Variants in NARS2 observed in about 807,000 individuals in gnomAD.
The protein encoded by NARS2 is asparaginyl-tRNA synthetase.
Under a neutral mutation model 62.9 loss-of-function variants are expected in NARS2, and 60 were observed. The observed-to-expected ratio is 0.95, with a 90% CI of 0.77 to 1.18. NARS2 has a LOEUF of 1.18. Ranked by LOEUF, NARS2 falls within the 50% of genes most tolerant of loss-of-function variation. NARS2 has a pLI of 0.00. For synonymous variants in NARS2, 196 were observed against 200.0 expected (o/e 0.98, Z 0.17); for missense variants, 619 against 576.4 (o/e 1.07, Z -0.76).
At chr11:78,517,901 C>A (rs1436771624) in intron 6 of NARS2, among the ~76,000 whole-genome samples, 2 of 152,108 alleles carry the variant, frequency 1.3e-5, no homozygotes, top group Non-Finnish European at 2.9e-5. Context: ...TTAATACACC[C>A]TTTAAAGAAG....
intron 11 of NARS2, among the ~76,000 whole-genome samples, chr11:78,464,060 T>G (rs2135206016): frequency 6.6e-6 from 1 of 152,314 alleles, no homozygotes; most frequent in East Asian, 1.9e-4. Context: ...AGTTTGTTCC[T>G]TCTGATGTTC....
chr11:78,539,442 AGAAGAG>A (rs1252443385), intron 5 of NARS2, among the ~76,000 whole-genome samples: 1 of 152,244 alleles, frequency 6.6e-6, no homozygotes, highest in Non-Finnish European at 1.5e-5. Flanking sequence ...AGATAAAAAA[AGAAGAG>A]GAAAAGGCTT....
At chr11:78,496,554 T>C (rs2135340033) in intron 6 of NARS2, among the ~76,000 whole-genome samples, 1 of 152,244 alleles carries the variant, frequency 6.6e-6, no homozygotes, top group African/African-American at 2.4e-5. Context: ...TTAACCATGA[T>C]ACTAACAACA....
chr11:78,472,215 G>C (rs936779935), intron 9 of NARS2, among the ~76,000 whole-genome samples: 3 of 152,040 alleles, frequency 2.0e-5, no homozygotes, highest in Non-Finnish European at 4.4e-5. Flanking sequence ...TATTTTTCTT[G>C]ATATGTATAG....
At chr11:78,475,580 CTTTTTTTTTTTTTTT>C (rs377023107) in intron 9 of NARS2, among the ~76,000 whole-genome samples, 11,306 of 94,534 alleles carry the variant, frequency 0.12, 660 homozygotes, top group Admixed American at 0.2. Flanking sequence ...TATCATTTGA[CTTTTTTTTTTTTTTT>C]TTTTTTTTTT....
At chr11:78,445,185 G>T (rs1456506318) in intron 11 of NARS2, among the ~76,000 whole-genome samples, 2 of 151,848 alleles carry the variant, frequency 1.3e-5, no homozygotes, top group African/African-American at 4.8e-5. Flanking sequence ...ATACTAAACA[G>T]GTATTATAGT....
intron 5 of NARS2, among the ~76,000 whole-genome samples, chr11:78,531,182 A>G (rs1458017205): frequency 6.6e-6 from 1 of 152,190 alleles, no homozygotes; most frequent in African/African-American, 2.4e-5. Context: ...ACTCTCGAAG[A>G]GAGTTAAAGG....
intron 5 of NARS2, chr11:78,555,518 C>T (rs2135504907): frequency 6.6e-6 from 1 of 152,270 alleles, no homozygotes; most frequent in East Asian, 1.9e-4. Context: ...TTGTTTACTA[C>T]TCTGGAGTCA....
intron 7 of NARS2, among the ~76,000 whole-genome samples, chr11:78,491,164 A>G (rs1422581841): frequency 6.6e-6 from 1 of 152,212 alleles, no homozygotes; most frequent in Admixed American, 6.5e-5. Flanking sequence ...CAGCAGCACT[A>G]CTGATACTTT....
At chr11:78,540,190 C>CA (rs796292633) in intron 5 of NARS2, among the ~76,000 whole-genome samples, 2 of 152,002 alleles carry the variant, frequency 1.3e-5, no homozygotes, top group African/African-American at 2.4e-5. Context: ...CAAGAGCTAC[C>CA]AAAAAAATTT....
At chr11:78,519,946 G>A (rs1861053083) in intron 6 of NARS2, among the ~76,000 whole-genome samples, 1 of 152,040 alleles carries the variant, frequency 6.6e-6, no homozygotes, top group Non-Finnish European at 1.5e-5. Flanking sequence ...GCCTGTCTTG[G>A]CCTCCCAAAG....
At chr11:78,484,851 A>G (rs1379341796) in intron 7 of NARS2, among the ~76,000 whole-genome samples, 1 of 152,204 alleles carries the variant, frequency 6.6e-6, no homozygotes, top group Non-Finnish European at 1.5e-5. Context: ...TAGAACCAGA[A>G]AAGCATTTGA....
At chr11:78,492,505 T>C (rs1859868436) in intron 7 of NARS2, among the ~76,000 whole-genome samples, 2 of 152,200 alleles carry the variant, frequency 1.3e-5, no homozygotes, top group African/African-American at 4.8e-5. Context: ...GGCACTGAAA[T>C]ACAAGGTCTT....
At chr11:78,495,111 T>C (rs10899526) in intron 6 of NARS2, among the ~76,000 whole-genome samples, 101,120 of 152,002 alleles carry the variant, frequency 0.67, 36,144 homozygotes, top group Non-Finnish European at 0.81. Context: ...ACTATAGGTT[T>C]CCAAACTCAA....
At chr11:78,534,097 A>G (rs1356442740) in intron 5 of NARS2, among the ~76,000 whole-genome samples, 1 of 152,214 alleles carries the variant, frequency 6.6e-6, no homozygotes, top group Admixed American at 6.5e-5. Flanking sequence ...GCAATTATGA[A>G]TAAAGCTGCT....
At chr11:78,455,791 G>A (rs1483274693) in intron 11 of NARS2, among the ~76,000 whole-genome samples, 2 of 151,812 alleles carry the variant, frequency 1.3e-5, no homozygotes, top group Non-Finnish European at 2.9e-5. Context: ...ACCTGCTAGC[G>A]GTGTGATTTT....
intron 4 of NARS2, among the ~76,000 whole-genome samples, chr11:78,565,700 T>G (rs534924791): frequency 6.6e-6 from 1 of 152,146 alleles, no homozygotes; most frequent in African/African-American, 2.4e-5. Flanking sequence ...CTAAAAAGAT[T>G]AGAGAAAACA....
At chr11:78,500,341 A>G in intron 6 of NARS2, among the ~76,000 whole-genome samples, 1 of 152,254 alleles carries the variant, frequency 6.6e-6, no homozygotes, top group Admixed American at 6.5e-5. Context: ...GGAGGTTATT[A>G]TAAAGATGAA....
At chr11:78,538,994 C>CAAAAAAAAAAAAAAAAAAAAAAAAAAAA (rs59917269) in intron 5 of NARS2, among the ~76,000 whole-genome samples, 1 of 49,794 alleles carries the variant, frequency 2.0e-5, no homozygotes, top group African/African-American at 9.0e-5. Context: ...GAATCCGTCT[C>CAAAAAAAAAAAAAAAAAAAAAAAAAAAA]AAAAAAAAAA....
Sources: gnomAD v4.1 joint callset for allele counts (sites outside exome capture counted in the v4.1 genomes callset) on GRCh38, gnomAD v4.1.1 for gene constraint, MANE v1.5 for transcripts, NCBI Gene and HGNC (gene_info 2026-07-23, HGNC 2026-07-21) for gene names.